Variants in PNPLA1 observed in about 807,000 individuals in gnomAD.
PNPLA1 encodes the protein patatin like domain 1, omega-hydroxyceramide transacylase.
A neutral mutation model predicts 51.7 loss-of-function variants in PNPLA1; 36 were observed. The observed-to-expected ratio is 0.70, with a 90% CI of 0.53 to 0.92. PNPLA1 has a LOEUF of 0.92. Ranked by LOEUF, PNPLA1 falls within the 40% of genes least tolerant of loss-of-function variation. The pLI, the probability that PNPLA1 is intolerant of heterozygous loss-of-function variation, is 0.00. For missense variants in PNPLA1, 658 were observed against 682.5 expected (o/e 0.96, Z 0.40); for synonymous variants, 293 against 280.1 (o/e 1.05, Z -0.46).
chr6:36,305,275 A>G (rs1771196393), intron 6 of PNPLA1, among the ~76,000 whole-genome samples: 1 of 152,260 alleles, frequency 6.6e-6, no homozygotes, highest in Admixed American at 6.5e-5. Flanking sequence ...AGTGTGGCCC[A>G]AGGAAGCCAA....
intron 1 of PNPLA1, among the ~76,000 whole-genome samples, chr6:36,271,448 C>T (rs527754747): frequency 1.3e-5 from 2 of 152,276 alleles, no homozygotes; most frequent in African/African-American, 2.4e-5. Context: ...GGACAAGGTC[C>T]CCGCCCTTGT....
chr6:36,311,321 G>A (rs1771404204), intron 8 of PNPLA1, among the ~76,000 whole-genome samples: 2 of 152,208 alleles, frequency 1.3e-5, no homozygotes. Flanking sequence ...TAAGGGTGTG[G>A]GAGGGTATTC....
chr6:36,285,077 G>T (rs1770441238), intron 1 of PNPLA1, among the ~76,000 whole-genome samples: 1 of 152,224 alleles, frequency 6.6e-6, no homozygotes, highest in African/African-American at 2.4e-5. Flanking sequence ...GGAAACGATT[G>T]TTGTTAAGAT....
rs993384556 is a variant in PNPLA1, at chr6:36,313,714, C to A, written c.*1828C>A. On this transcript the variant is annotated 3_prime_UTR_variant, in exon 9 of 9. Coordinates refer to ENST00000636260, the MANE Select transcript of PNPLA1 (RefSeq NM_001374623.1). ...GGGAGACTGACTAGAGAGGCCCGCC[C>A]GGCCGCAGGCCTTTCTTCCAGGAGT... Among the ~76,000 whole-genome samples, 3 of 152,224 alleles carry A rather than the reference C, an allele frequency of 2.0e-5. No homozygotes were observed. Among genetic ancestry groups the A allele is most frequent in the African/African-American group, 7.2e-5 (3 of 41,454 alleles).
Position 36,270,370 on chromosome 6 carries a change from G to A in PNPLA1, c.-90G>A. On this transcript the variant is annotated 5_prime_UTR_variant, in exon 1 of 9. Coordinates refer to ENST00000636260, the MANE Select transcript of PNPLA1 (RefSeq NM_001374623.1). ...CCGGGGTGGCAGGGAAGCTGGGTAG[G>A]GAGTTCCTACAGGGAGCGGCAGCCC... The A allele has an allele frequency of 7.4e-7, 1 of 1,343,254 alleles. No individual in the cohort carries two copies. Among genetic ancestry groups the A allele is most frequent in the South Asian group, 1.3e-5 (1 of 76,076 alleles). The allele number at this position is 1,343,254 out of a possible 1,614,324, so 83.2% of individuals were successfully genotyped here. A position where few individuals can be genotyped will look rare whatever the true frequency, so the allele number is the denominator to read the frequency against.
chr6:36,295,512 C>T, intron 5 of PNPLA1, 88 bp downstream of exon 5: 1 of 1,417,608 alleles, frequency 7.1e-7, no homozygotes, highest in South Asian at 1.2e-5. Flanking sequence ...GGGGTATTCC[C>T]CCCAGATTTG....
At chr6:36,287,139 A>G (rs1770517917) in intron 1 of PNPLA1, among the ~76,000 whole-genome samples, 1 of 152,204 alleles carries the variant, frequency 6.6e-6, no homozygotes, top group South Asian at 2.1e-4. Context: ...AATTAAGTCA[A>G]GTAGCTCTTC....
intron 1 of PNPLA1, among the ~76,000 whole-genome samples, chr6:36,258,849 C>T (rs1371576786): frequency 6.6e-6 from 1 of 152,180 alleles, no homozygotes; most frequent in Non-Finnish European, 1.5e-5. Context: ...TTTGCATTGT[C>T]GCTCTCCAAG....
chr6:36,310,007 C>G (rs568340761), intron 8 of PNPLA1, among the ~76,000 whole-genome samples: 81 of 150,606 alleles, frequency 5.4e-4, no homozygotes, highest in African/African-American at 1.9e-3. Flanking sequence ...TGTAGATGTC[C>G]CATACACTAA....
chr6:36,279,095 T>G (rs545324675), intron 1 of PNPLA1, among the ~76,000 whole-genome samples: 1 of 152,224 alleles, frequency 6.6e-6, no homozygotes, highest in South Asian at 2.1e-4. Context: ...GCAGGTGTAG[T>G]TGCCCCCCGG....
Position 36,291,484 on chromosome 6 carries a change from C to T in PNPLA1, c.370C>T (p.Leu124Phe). 1.2e-6 allele frequency: 2 copies of T among 1,613,622 alleles called. No individual in the cohort carries two copies. Among genetic ancestry groups the T allele is most frequent in the Non-Finnish European group, 1.7e-6 (2 of 1,179,878 alleles). The change falls in exon 2 of 9, where the codon CTC (leucine) becomes TTC (phenylalanine). Residue 124 changes from leucine (L) to phenylalanine (F), a missense_variant. Leu to Phe is a conservative substitution (Grantham distance 22). Transcript: ENST00000636260. Reference protein sequence around the residue: ...KVTTGKLHVSLTRLTDGENVV... With the variant: ...KVTTGKLHVSFTRLTDGENVV... ...CACCACGGGGAAGCTCCATGTGAGC[C>T]TCACCCGCTTAACGGACGGGGAGAA...
upstream of PNPLA1, among the ~76,000 whole-genome samples, chr6:36,267,196 G>C (rs1251085743): frequency 6.6e-5 from 10 of 152,232 alleles, no homozygotes; most frequent in Non-Finnish European, 1.5e-5. Context: ...AGAGATGCTG[G>C]AAAGTGATTC....
At position 36,270,233 on chromosome 6, in the gene PNPLA1, G is replaced by A. The variant is rs539549005; in HGVS notation, c.-227G>A. 6.6e-6 allele frequency among the ~76,000 whole-genome samples: 1 copy of A among 152,344 alleles called. No homozygotes were observed. The highest frequency in any genetic ancestry group is 2.1e-4 in the South Asian group (1 of 4,832). The stretch of plus-strand genomic sequence containing the variant: ...GGGAGCCTTCTGCATCTCATTCTGG[G>A]GCCCCTTTCCAACCTTTGGAGTTGC... On this transcript the variant is annotated 5_prime_UTR_variant, in exon 1 of 9. Transcript: ENST00000636260.
chr6:36,284,700 C>T (rs1212910859), intron 1 of PNPLA1, among the ~76,000 whole-genome samples: 2 of 152,186 alleles, frequency 1.3e-5, no homozygotes, highest in East Asian at 3.8e-4. Flanking sequence ...GACCTAGGAT[C>T]CCAGAATCTT....
intron 1 of PNPLA1, among the ~76,000 whole-genome samples, chr6:36,262,227 T>C (rs1769665789): frequency 6.6e-6 from 1 of 152,006 alleles, no homozygotes; most frequent in African/African-American, 2.4e-5. Context: ...CACTTTCCCC[T>C]GTCCCCCACC....
chr6:36,284,900 C>A (rs993638897), intron 1 of PNPLA1, among the ~76,000 whole-genome samples: 7 of 152,142 alleles, frequency 4.6e-5, no homozygotes, highest in Admixed American at 3.9e-4. Flanking sequence ...TCTCTGTAAA[C>A]CTTCTAGTAG....
rs189916450 is a variant in PNPLA1, at chr6:36,263,285, G to A, written c.-81+20024G>A. On this transcript the variant is annotated intron_variant, in intron 1 of 7. Coordinates refer to the PNPLA1 transcript ENST00000312917. ...AGAGGATATTTCCAATGCATTCAGC[G>A]GAGCCAATATTAGTACCAACGTCTA... Among the ~76,000 whole-genome samples, 97 of 152,166 alleles carry A rather than the reference G, an allele frequency of 6.4e-4. 1 individual carries two copies. The highest frequency in any genetic ancestry group is 5.8e-3 in the East Asian group (30 of 5,174).
chr6:36,307,765 CTG>C, intron 8 of PNPLA1, 53 bp downstream of exon 8: 1 of 1,604,314 alleles, frequency 6.2e-7, no homozygotes, highest in Non-Finnish European at 8.5e-7. Context: ...GCTTTGGGAA[CTG>C]TGTTCAGAGA....
At chr6:36,249,576 G>A (rs574752507) in intron 1 of PNPLA1, among the ~76,000 whole-genome samples, 1 of 152,328 alleles carries the variant, frequency 6.6e-6, no homozygotes, top group South Asian at 2.1e-4. Context: ...CTGACTTAGG[G>A]TTGTGGTGTG....
Sources: gnomAD v4.1 joint callset for allele counts (sites outside exome capture counted in the v4.1 genomes callset) on GRCh38, gnomAD v4.1.1 for gene constraint, MANE v1.5 for transcripts, NCBI Gene and HGNC (gene_info 2026-07-23, HGNC 2026-07-21) for gene names.